Variants in ZNF589 observed in about 807,000 individuals in gnomAD.
ZNF589 encodes KRAB-zinc finger protein SZF1-1.
ZNF589 carries 17 observed loss-of-function variants against 13.6 expected under a neutral mutation model. That is an observed-to-expected ratio of 1.25 (90% CI 0.86 to 1.88). The LOEUF (loss-of-function observed/expected upper bound fraction) is 1.88, where lower values mean the gene tolerates loss of function less well. Among genes scored for constraint, ZNF589 ranks in the 40% most tolerant of loss-of-function variants. ZNF589 has a pLI of 0.00. For missense variants in ZNF589, 407 were observed against 434.0 expected, an observed-to-expected ratio of 0.94 and a Z score of 0.55; for synonymous variants, 148 against 161.6, an observed-to-expected ratio of 0.92 and a Z score of 0.64.
intron 3 of ZNF589, among the ~76,000 whole-genome samples, chr3:48,262,424 C>T (rs1047095341): frequency 2.1e-4 from 32 of 152,116 alleles, no homozygotes; most frequent in Admixed American, 2.6e-4. Context: ...CTCCTGACCT[C>T]AGGTGATCTG....
chr3:48,245,175 T>C (rs1318910422), intron 1 of ZNF589, among the ~76,000 whole-genome samples: 1 of 152,122 alleles, frequency 6.6e-6, no homozygotes, highest in Non-Finnish European at 1.5e-5. Context: ...TATAATGGTG[T>C]GATCTCTCAC....
At position 48,260,911 on chromosome 3, in the gene ZNF589, G is replaced by A. The variant is rs368316389; in HGVS notation, c.195G>A (p.Leu65=). 5.0e-6 allele frequency: 8 copies of A among 1,613,990 alleles called. No individual in the cohort carries two copies. The African/African-American group carries it at 9.3e-5, about 19-fold the overall frequency. ...GGAACCTATACAAAGAAGTGATGCT[G>A]GAAAATCTCAGGAATCTGGTCTCAT... is the stretch of plus-strand genomic sequence containing the variant. ...EQRNLYKEVM[L]ENLRNLVSLA... Residue 65 remains leucine (L), a synonymous_variant, in exon 3 of 4, where the codon CTG becomes CTA. Transcript: ENST00000354698.
At chr3:48,244,281 G>GA (rs1002815194) in intron 1 of ZNF589, among the ~76,000 whole-genome samples, 4 of 152,146 alleles carry the variant, frequency 2.6e-5, no homozygotes, top group African/African-American at 9.7e-5. Flanking sequence ...TAGCCACTGG[G>GA]AGTGGCCAAA....
intron 2 of ZNF589, among the ~76,000 whole-genome samples, chr3:48,255,487 C>CTTTTTTT (rs1230659894): frequency 3.6e-5 from 3 of 82,782 alleles, no homozygotes; most frequent in Non-Finnish European, 6.8e-5. Flanking sequence ...AGAGTTTTTA[C>CTTTTTTT]TTTTTTTTTT....
At chr3:48,252,549 C>T (rs1488761394) in intron 2 of ZNF589, among the ~76,000 whole-genome samples, 1 of 148,796 alleles carries the variant, frequency 6.7e-6, no homozygotes, top group East Asian at 2.0e-4. Flanking sequence ...AAAGTCTTAT[C>T]AATTTGTACA....
chr3:48,269,561 A>G lies in ZNF589; in HGVS notation c.*775A>G. On this transcript the variant is annotated 3_prime_UTR_variant, in exon 4 of 4. Transcript: ENST00000354698. ...CGAGTGTGGGCGAAACTTTAGCCAC[A>G]AGTCCACTCTCAGCTTACATCAGAG... 1 of 338,176 alleles carries G rather than the reference A, an allele frequency of 3.0e-6. No homozygotes were observed. The highest frequency in any genetic ancestry group is 5.8e-6 in the Non-Finnish European group (1 of 172,694). The allele number at this position is 338,176 out of a possible 1,614,324, so 20.9% of individuals were successfully genotyped here. A position where few individuals can be genotyped will look rare whatever the true frequency, so the allele number is the denominator to read the frequency against.
chr3:48,252,928 T>C (rs1333295117), intron 2 of ZNF589, among the ~76,000 whole-genome samples: 1 of 152,218 alleles, frequency 6.6e-6, no homozygotes, highest in East Asian at 1.9e-4. Context: ...GAGAATAATA[T>C]CTTAACATTA....
In ZNF589 at chr3:48,247,687, GC is replaced by G. The variant is rs768447223; in HGVS notation, c.96+13del. The G allele has an allele frequency of 5.6e-6, 9 of 1,612,794 alleles. No individual in the cohort carries two copies. The African/African-American group carries it at 1.2e-4, about 22-fold the overall frequency. On this transcript the variant is annotated intron_variant, in intron 2 of 3. Coordinates refer to ENST00000354698, the MANE Select transcript of ZNF589 (RefSeq NM_016089.3). ...GAAGCCTAGATATCTGGTGAGTTGG[GC>G]CCGCCCTTCTCTTTTCTGAAATGCT...
rs201202785 is a variant in ZNF589, at chr3:48,241,165, C to T, written c.-7C>T. 18 of 802,920 alleles carry T rather than the reference C, an allele frequency of 2.2e-5. No homozygotes were observed. Among genetic ancestry groups the T allele is most frequent in the Non-Finnish European group, 2.9e-5 (16 of 558,740 alleles). 49.7% of individuals were successfully genotyped at this position (802,920 alleles called of 1,614,324 possible). The stretch of plus-strand genomic sequence containing the variant: ...CTCGTTTGCTTCGTGCGTGCGTGCG[C>T]GCGCAGATGTGGGCCCCGCGGGAGC... On this transcript the variant is annotated 5_prime_UTR_variant, in exon 1 of 4. Coordinates refer to ENST00000354698, the MANE Select transcript of ZNF589 (RefSeq NM_016089.3).
intron 2 of ZNF589, chr3:48,257,151 G>A (rs1263978333): frequency 5.1e-6 from 2 of 389,380 alleles, no homozygotes; most frequent in African/African-American, 4.2e-5. Context: ...TTGCTATTAG[G>A]ATAATGCTGG....
At chr3:48,255,119 A>G (rs2033883554) in intron 2 of ZNF589, among the ~76,000 whole-genome samples, 1 of 151,090 alleles carries the variant, frequency 6.6e-6, no homozygotes, top group Admixed American at 6.6e-5. Flanking sequence ...TTTTTTGTAG[A>G]TGTTCTTTGT....
rs1278304668 is a variant in ZNF589, at chr3:48,262,356, AT to A, written c.223+1423del. Reference sequence around the variant, plus strand: ...AGGCGCGCATCACCACAGCCGGCTAATTTTTTGTATTTTTAGTAGAAACGGG... The same window carrying A: ...AGGCGCGCATCACCACAGCCGGCTAATTTTTGTATTTTTAGTAGAAACGGG... On this transcript the variant is annotated intron_variant, in intron 3 of 3. Transcript: ENST00000354698. Among the ~76,000 whole-genome samples the A allele has an allele frequency of 2.6e-5, 4 of 151,706 alleles. No individual in the cohort carries two copies. In the South Asian group the frequency reaches 6.2e-4, roughly 24 times the overall value.
intron 2 of ZNF589, among the ~76,000 whole-genome samples, chr3:48,250,306 C>CT (rs34016179): frequency 0.01 from 1,171 of 116,828 alleles, 10 homozygotes; most frequent in Middle Eastern, 0.043. Flanking sequence ...TCTCTACTTT[C>CT]TTTTTTTTTT....
rs1272966521 is a variant in ZNF589, at chr3:48,268,815, TCAA to T, written c.*32_*34del. On this transcript the variant is annotated 3_prime_UTR_variant, in exon 4 of 4. Transcript: ENST00000354698. ...CGAGGCTTTGTAAGGAGATCATGTC[TCAA>T]CACACACCAGAGGATACATTCAGAT... The T allele has an allele frequency of 1.3e-6, 2 of 1,592,968 alleles. No homozygotes were observed. The highest frequency in any genetic ancestry group is 3.4e-4 in the Middle Eastern group (2 of 5,938).
chr3:48,247,504 C>T, intron 1 of ZNF589, 121 bp from the exon 2 acceptor site: 2 of 963,102 alleles, frequency 2.1e-6, no homozygotes, highest in African/African-American at 1.6e-5. Flanking sequence ...GAGAGGAGCT[C>T]AGGGTCTGGG....
chr3:48,258,645 G>A (rs559563814), intron 2 of ZNF589, among the ~76,000 whole-genome samples: 1 of 152,304 alleles, frequency 6.6e-6, no homozygotes, highest in South Asian at 2.1e-4. Context: ...AATTGTAATA[G>A]CAAGTGTTTA....
At chr3:48,259,938 T>C (rs967969966) in intron 2 of ZNF589, among the ~76,000 whole-genome samples, 1 of 139,804 alleles carries the variant, frequency 7.2e-6, no homozygotes, top group African/African-American at 2.7e-5. Flanking sequence ...AAAAAAAAAA[T>C]CTAGGGCAAG....
intron 1 of ZNF589, among the ~76,000 whole-genome samples, chr3:48,246,401 A>G (rs1441248953): frequency 6.6e-6 from 1 of 152,186 alleles, no homozygotes; most frequent in Non-Finnish European, 1.5e-5. Context: ...GGTCTTTAAT[A>G]CTTTTTTCTC....
intron 2 of ZNF589, among the ~76,000 whole-genome samples, chr3:48,251,921 C>T (rs2033842585): frequency 6.6e-6 from 1 of 151,774 alleles, no homozygotes; most frequent in Non-Finnish European, 1.5e-5. Flanking sequence ...CACCTGTAGT[C>T]CCAGCTATGT....
Sources: gnomAD v4.1 joint callset for allele counts (sites outside exome capture counted in the v4.1 genomes callset) on GRCh38, gnomAD v4.1.1 for gene constraint, MANE v1.5 for transcripts, NCBI Gene and HGNC (gene_info 2026-07-23, HGNC 2026-07-21) for gene names.